The following NAALADL2 variants were observed in gnomAD, a reference collection of about 807,000 sequenced individuals.
The protein encoded by NAALADL2 is N-acetylated alpha-linked acidic dipeptidase like 2, also known as inactive N-acetylated-alpha-linked acidic dipeptidase-like protein 2.
A neutral mutation model predicts 87.2 loss-of-function variants in NAALADL2; 76 were observed. The ratio of observed to expected loss-of-function variants is 0.87; its 90% CI spans 0.72 to 1.05. The LOEUF is 1.05. NAALADL2 is among the 50% of genes least tolerant of loss of function. The pLI is 0.00. For synonymous variants in NAALADL2, 354 were observed against 331.0 expected (o/e 1.07, Z -0.75); for missense variants, 1,089 against 945.8 (o/e 1.15, Z -1.99).
rs1034839831 is a variant in NAALADL2, at chr3:174,890,940, A to G, written c.43+31490A>G. Among the ~76,000 whole-genome samples the G allele has an allele frequency of 9.2e-5, 14 of 152,280 alleles. 2 individuals are homozygous for G. In the Middle Eastern group the frequency reaches 0.017, roughly 185 times the overall value. ...TTAATTGCTACTGTCTCTTGGAAAT[A>G]ATAATATATGAATAAGAAAATTATT... On this transcript the variant is annotated intron_variant, in intron 1 of 13. Transcript: ENST00000454872.
At chr3:175,591,932 G>A (rs1157922787) in intron 10 of NAALADL2, among the ~76,000 whole-genome samples, 1 of 151,576 alleles carries the variant, frequency 6.6e-6, no homozygotes, top group Non-Finnish European at 1.5e-5. Flanking sequence ...GAGTAATATA[G>A]TGGAAAAATA....
At chr3:175,696,973 C>T (rs895978492) in intron 11 of NAALADL2, among the ~76,000 whole-genome samples, 3 of 152,052 alleles carry the variant, frequency 2.0e-5, no homozygotes, top group Admixed American at 2.0e-4. Flanking sequence ...GTGGCACACT[C>T]ATGACCTAAT....
At chr3:174,935,595 GACAC>G (rs546762007) in intron 1 of NAALADL2, among the ~76,000 whole-genome samples, 45 of 152,120 alleles carry the variant, frequency 3.0e-4, no homozygotes, top group Non-Finnish European at 5.3e-4. Flanking sequence ...CATACAGACA[GACAC>G]ACACTAAGCT....
intron 1 of NAALADL2, among the ~76,000 whole-genome samples, chr3:174,533,498 G>A (rs1244683213): frequency 2.0e-5 from 3 of 152,026 alleles, no homozygotes; most frequent in Admixed American, 2.0e-4. Flanking sequence ...TCCAGCAAGG[G>A]TAGTCTAGTC....
chr3:174,612,831 T>G (rs1720063924), intron 2 of NAALADL2, among the ~76,000 whole-genome samples: 1 of 152,188 alleles, frequency 6.6e-6, no homozygotes, highest in African/African-American at 2.4e-5. Context: ...CATGTTTTCC[T>G]GGATGATCAT....
intron 11 of NAALADL2, among the ~76,000 whole-genome samples, chr3:175,653,618 C>T (rs1469876647): frequency 1.3e-5 from 2 of 152,162 alleles, no homozygotes; most frequent in Non-Finnish European, 2.9e-5. Flanking sequence ...TTCATGATTT[C>T]CTTGATTGGC....
intron 9 of NAALADL2, among the ~76,000 whole-genome samples, chr3:175,499,998 T>A (rs1729323248): frequency 6.6e-6 from 1 of 152,118 alleles, no homozygotes; most frequent in African/African-American, 2.4e-5. Flanking sequence ...AATATTGACA[T>A]CTATATTTAT....
intron 11 of NAALADL2, among the ~76,000 whole-genome samples, chr3:175,674,910 G>C (rs1190022137): frequency 6.6e-6 from 1 of 152,002 alleles, no homozygotes; most frequent in Non-Finnish European, 1.5e-5. Flanking sequence ...AATTACTTTT[G>C]TAATTTTGAG....
At chr3:174,898,149 A>G (rs1401630261) in intron 1 of NAALADL2, among the ~76,000 whole-genome samples, 2 of 148,666 alleles carry the variant, frequency 1.3e-5, no homozygotes, top group East Asian at 1.9e-4. Flanking sequence ...AAAAAGAAAA[A>G]AAGAATGAGA....
chr3:175,013,154 T>A (rs1750240499), intron 1 of NAALADL2, among the ~76,000 whole-genome samples: 3 of 131,302 alleles, frequency 2.3e-5, no homozygotes, highest in South Asian at 2.2e-4. Context: ...AATACATATT[T>A]ATATATAAAT....
At chr3:174,773,499 C>A (rs1714831648) in intron 3 of NAALADL2, among the ~76,000 whole-genome samples, 1 of 152,110 alleles carries the variant, frequency 6.6e-6, no homozygotes. Flanking sequence ...ATACTCCATG[C>A]TAGTGATGAG....
intron 1 of NAALADL2, among the ~76,000 whole-genome samples, chr3:174,482,669 C>T (rs1717630650): frequency 6.6e-6 from 1 of 152,004 alleles, no homozygotes; most frequent in Non-Finnish European, 1.5e-5. Context: ...TCACCACTCT[C>T]CCCTCCCAAC....
chr3:175,062,734 A>G (rs185659649), intron 1 of NAALADL2, among the ~76,000 whole-genome samples: 1 of 152,278 alleles, frequency 6.6e-6, no homozygotes, highest in African/African-American at 2.4e-5. Context: ...CTATTTAACT[A>G]TCATATGTAT....
chr3:175,799,258 GATTA>G (rs768659334), intron 13 of NAALADL2, among the ~76,000 whole-genome samples: 1 of 151,948 alleles, frequency 6.6e-6, no homozygotes, highest in Non-Finnish European at 1.5e-5. Context: ...TATGAAAAAT[GATTA>G]ATTTTTTAAT....
chr3:175,375,470 A>G (rs933385213), intron 5 of NAALADL2, among the ~76,000 whole-genome samples: 2 of 152,092 alleles, frequency 1.3e-5, no homozygotes, highest in African/African-American at 4.8e-5. Flanking sequence ...GTTTTTCAGC[A>G]TTGTGATTTG....
At chr3:175,317,625 T>A (rs980872395) in intron 4 of NAALADL2, among the ~76,000 whole-genome samples, 2 of 152,082 alleles carry the variant, frequency 1.3e-5, no homozygotes. Flanking sequence ...CAATATGTGG[T>A]TATAGATGGA....
chr3:175,354,141 T>C (rs573098795), intron 5 of NAALADL2, among the ~76,000 whole-genome samples: 1 of 152,334 alleles, frequency 6.6e-6, no homozygotes, highest in Admixed American at 6.5e-5. Context: ...TAAATCATTA[T>C]TTAATTTTAA....
At chr3:175,567,277 G>A (rs1022084448) in intron 9 of NAALADL2, among the ~76,000 whole-genome samples, 12 of 152,144 alleles carry the variant, frequency 7.9e-5, no homozygotes, top group Non-Finnish European at 2.9e-5. Flanking sequence ...ACTGGTCAGA[G>A]AAGAGGAAGA....
intron 9 of NAALADL2, among the ~76,000 whole-genome samples, chr3:175,570,729 A>C (rs1379959244): frequency 6.6e-6 from 1 of 151,874 alleles, no homozygotes; most frequent in Non-Finnish European, 1.5e-5. Flanking sequence ...AAATACAAAA[A>C]ATTAGCCGGG....
Sources: gnomAD v4.1 joint callset for allele counts (sites outside exome capture counted in the v4.1 genomes callset) on GRCh38, gnomAD v4.1.1 for gene constraint, MANE v1.5 for transcripts, NCBI Gene and HGNC (gene_info 2026-07-23, HGNC 2026-07-21) for gene names.